SH3GL2: variants seen among roughly 807,000 people sequenced by gnomAD.
The protein encoded by SH3GL2 is endophilin-A1.
A neutral mutation model predicts 46.0 loss-of-function variants in SH3GL2; 24 were observed. That is an observed-to-expected ratio of 0.52 (90% CI 0.38 to 0.73). The LOEUF (loss-of-function observed/expected upper bound fraction) is 0.73, where lower values mean the gene tolerates loss of function less well. Among genes scored for constraint, SH3GL2 ranks in the 30% least tolerant of loss-of-function variants. SH3GL2 has a pLI of 0.00. For missense variants in SH3GL2, 413 were observed against 424.2 expected, an observed-to-expected ratio of 0.97 and a Z score of 0.23; for synonymous variants, 196 against 147.1, an observed-to-expected ratio of 1.33 and a Z score of -2.40.
chr9:17,717,851 C>G (rs924593604), intron 1 of SH3GL2, among the ~76,000 whole-genome samples: 1 of 151,956 alleles, frequency 6.6e-6, no homozygotes, highest in African/African-American at 2.4e-5. Context: ...TGCTCCATAC[C>G]CATTATTTTT....
intron 2 of SH3GL2, among the ~76,000 whole-genome samples, chr9:17,752,149 C>G (rs928031387): frequency 3.9e-5 from 6 of 152,154 alleles, no homozygotes; most frequent in African/African-American, 1.4e-4. Context: ...ATCAAAGCAG[C>G]TTGGGGACAG....
At chr9:17,616,553 G>A (rs961776181) in intron 1 of SH3GL2, among the ~76,000 whole-genome samples, 3 of 152,106 alleles carry the variant, frequency 2.0e-5, no homozygotes, top group Admixed American at 6.6e-5. Flanking sequence ...AGATCTGGGG[G>A]TCTGAGAGTC....
At position 17,791,966 on chromosome 9, in the gene SH3GL2, G is replaced by T. The variant is rs987953605; in HGVS notation, c.728+632G>T. Among the ~76,000 whole-genome samples, 5 of 152,214 alleles carry T rather than the reference G, an allele frequency of 3.3e-5. No individual in the cohort carries two copies. The South Asian group carries it at 6.2e-4, about 19-fold the overall frequency. On this transcript the variant is annotated intron_variant, in intron 7 of 8. Coordinates refer to ENST00000380607, the MANE Select transcript of SH3GL2 (RefSeq NM_003026.5). ...TCCGTGGAGTTGTGGGGCACAGCCT[G>T]TTTGGCTATATACCAGTGGCCCTAT...
chr9:17,789,929 A>G (rs1010868792), intron 6 of SH3GL2: 1 of 210,582 alleles, frequency 4.7e-6, no homozygotes, highest in Non-Finnish European at 8.2e-6. Context: ...ATTTTGCACC[A>G]TCATAAAGCC....
intron 1 of SH3GL2, among the ~76,000 whole-genome samples, chr9:17,587,402 C>T (rs1588157378): frequency 6.6e-6 from 1 of 152,030 alleles, no homozygotes; most frequent in East Asian, 1.9e-4. Flanking sequence ...CTGGGAAGAA[C>T]TCTTGTTCTT....
chr9:17,769,251 G>T (rs1389954601), intron 3 of SH3GL2, among the ~76,000 whole-genome samples: 3 of 152,216 alleles, frequency 2.0e-5, no homozygotes, highest in African/African-American at 7.2e-5. Context: ...CTACCGAAAT[G>T]CAGTGACGCA....
intron 5 of SH3GL2, among the ~76,000 whole-genome samples, chr9:17,788,747 A>G (rs1182538478): frequency 6.6e-6 from 1 of 152,068 alleles, no homozygotes; most frequent in Non-Finnish European, 1.5e-5. Flanking sequence ...GTTCAATTAT[A>G]TGTCAAGTGG....
At chr9:17,738,251 C>T (rs2118471110) in intron 1 of SH3GL2, among the ~76,000 whole-genome samples, 1 of 151,410 alleles carries the variant, frequency 6.6e-6, no homozygotes, top group Admixed American at 6.6e-5. Context: ...CTCTTTTTTT[C>T]TGAAGAATGG....
At chr9:17,749,560 A>T (rs1292182267) in intron 2 of SH3GL2, among the ~76,000 whole-genome samples, 1 of 152,188 alleles carries the variant, frequency 6.6e-6, no homozygotes, top group East Asian at 1.9e-4. Context: ...AGGAATCAGA[A>T]TTTGACACTT....
rs563782518 is a variant in SH3GL2, at chr9:17,642,782, G to A, written c.45+63495G>A. Among the ~76,000 whole-genome samples the A allele has an allele frequency of 5.4e-3, 818 of 152,242 alleles. 7 individuals carry two copies. Among genetic ancestry groups the A allele is most frequent in the African/African-American group, 0.018 (758 of 41,544 alleles). ...CTTGTATAGTTTGAAGTCAGGTAGCGTGATACCTCCAGCTTTGTTGTTTTT... is the reference window on the plus strand; with the variant it reads ...CTTGTATAGTTTGAAGTCAGGTAGCATGATACCTCCAGCTTTGTTGTTTTT... On this transcript the variant is annotated intron_variant, in intron 1 of 8. Coordinates refer to ENST00000380607, the MANE Select transcript of SH3GL2 (RefSeq NM_003026.5).
chr9:17,783,047 G>C (rs1051168933), intron 3 of SH3GL2, among the ~76,000 whole-genome samples: 16 of 152,096 alleles, frequency 1.1e-4, no homozygotes, highest in African/African-American at 3.4e-4. Context: ...CACACACACA[G>C]ACAGGGGAGC....
intron 1 of SH3GL2, among the ~76,000 whole-genome samples, chr9:17,646,668 T>C (rs1173819918): frequency 6.6e-6 from 1 of 152,168 alleles, no homozygotes; most frequent in Non-Finnish European, 1.5e-5. Context: ...GGGGGGCCAC[T>C]CCAGGCCCTG....
chr9:17,635,832 A>C (rs946033791), intron 1 of SH3GL2, among the ~76,000 whole-genome samples: 21 of 152,212 alleles, frequency 1.4e-4, no homozygotes, highest in African/African-American at 4.6e-4. Context: ...GTTGCTTCCA[A>C]CTCAAGTTGA....
At chr9:17,716,844 C>G (rs1429896814) in intron 1 of SH3GL2, among the ~76,000 whole-genome samples, 6 of 152,066 alleles carry the variant, frequency 3.9e-5, no homozygotes, top group Admixed American at 6.6e-5. Flanking sequence ...AGTTGTAGGG[C>G]TCACCTCATT....
intron 1 of SH3GL2, among the ~76,000 whole-genome samples, chr9:17,640,554 C>G (rs1020578097): frequency 1.3e-5 from 2 of 152,112 alleles, no homozygotes; most frequent in Admixed American, 1.3e-4. Flanking sequence ...CCGGCTGTCT[C>G]TGGTAAGACA....
chr9:17,629,141 G>T (rs1035784868), intron 1 of SH3GL2, among the ~76,000 whole-genome samples: 15 of 152,218 alleles, frequency 9.9e-5, no homozygotes, highest in African/African-American at 3.4e-4. Context: ...GGAGACCTGG[G>T]TTCTAGCCCC....
intron 1 of SH3GL2, among the ~76,000 whole-genome samples, chr9:17,728,313 G>A (rs1822075717): frequency 6.6e-6 from 1 of 152,038 alleles, no homozygotes; most frequent in Admixed American, 6.6e-5. Context: ...TAGAAAAGAT[G>A]AAGTACCACA....
intron 1 of SH3GL2, among the ~76,000 whole-genome samples, chr9:17,615,277 T>C (rs1046443137): frequency 1.3e-5 from 2 of 152,224 alleles, no homozygotes; most frequent in Non-Finnish European, 2.9e-5. Flanking sequence ...TAAATCCATA[T>C]GATAGCCTAC....
chr9:17,621,452 C>T (rs1819136816), intron 1 of SH3GL2, among the ~76,000 whole-genome samples: 2 of 152,200 alleles, frequency 1.3e-5, no homozygotes, highest in South Asian at 4.1e-4. Flanking sequence ...CTTTTTGTAA[C>T]ATATCCCATG....
Sources: gnomAD v4.1 joint callset for allele counts (sites outside exome capture counted in the v4.1 genomes callset) on GRCh38, gnomAD v4.1.1 for gene constraint, MANE v1.5 for transcripts, NCBI Gene and HGNC (gene_info 2026-07-23, HGNC 2026-07-21) for gene names.